The following MARK1 variants were observed in gnomAD, a reference collection of about 807,000 sequenced individuals.
The protein encoded by MARK1 is serine/threonine-protein kinase MARK1.
A neutral mutation model predicts 96.3 loss-of-function variants in MARK1; 40 were observed. The ratio of observed to expected loss-of-function variants is 0.42; its 90% confidence interval spans 0.32 to 0.54. The LOEUF (loss-of-function observed/expected upper bound fraction) is 0.54. MARK1 is among the 20% of genes least tolerant of loss of function. The pLI, the probability that MARK1 is intolerant of heterozygous loss-of-function variation, is 0.16. For synonymous variants in MARK1, 317 were observed against 341.2 expected (o/e 0.93, Z 0.78); for missense variants, 719 against 984.6 (o/e 0.73, Z 3.61).
chr1:220,532,500 A>G (rs1044371589), intron 1 of MARK1, among the ~76,000 whole-genome samples: 4 of 152,132 alleles, frequency 2.6e-5, no homozygotes, highest in Non-Finnish European at 5.9e-5. Flanking sequence ...TTCATTTATC[A>G]TCAAAATATA....
chr1:220,536,668 G>A (rs2102697792), intron 1 of MARK1, among the ~76,000 whole-genome samples: 1 of 151,942 alleles, frequency 6.6e-6, no homozygotes, highest in Middle Eastern at 3.4e-3. Context: ...CGATTCTCCT[G>A]CCTCAGCCTC....
At chr1:220,549,967 G>A (rs950788919) in intron 1 of MARK1, among the ~76,000 whole-genome samples, 1 of 152,232 alleles carries the variant, frequency 6.6e-6, no homozygotes, top group Non-Finnish European at 1.5e-5. Flanking sequence ...AAAGTTCACA[G>A]TTGTTGATCA....
intron 6 of MARK1, 147 bp downstream of exon 6, chr1:220,604,284 AAAAT>A (rs1182277130): frequency 6.3e-6 from 3 of 473,724 alleles, no homozygotes; most frequent in Admixed American, 3.9e-5. Context: ...AAACTCCTAA[AAAAT>A]AAACCTTTCT....
intron 1 of MARK1, among the ~76,000 whole-genome samples, chr1:220,543,686 A>G (rs1661295090): frequency 6.6e-6 from 1 of 152,168 alleles, no homozygotes; most frequent in Admixed American, 6.5e-5. Flanking sequence ...AGTGTTTGGC[A>G]TATTTTTTGG....
Position 220,566,920 on chromosome 1 carries a change from C to T in MARK1, c.52-12434C>T, listed in dbSNP as rs538556637. ...TAAGTAACTACTTAGAAACTAACTA[C>T]TTAATAGTCTTTTGTTTAAATATTT... On this transcript the variant is annotated intron_variant, in intron 1 of 17. Transcript: ENST00000366917. Among the ~76,000 whole-genome samples the T allele has an allele frequency of 2.0e-5, 3 of 152,170 alleles. No homozygotes were observed. The South Asian group carries it at 6.2e-4, about 32-fold the overall frequency.
chr1:220,548,874 GA>G (rs1661677544), intron 1 of MARK1, among the ~76,000 whole-genome samples: 1 of 152,204 alleles, frequency 6.6e-6, no homozygotes, highest in Non-Finnish European at 1.5e-5. Flanking sequence ...AGGAAGTTTG[GA>G]AAAGAATTTA....
chr1:220,577,465 AT>A, intron 1 of MARK1, among the ~76,000 whole-genome samples: 1 of 152,204 alleles, frequency 6.6e-6, no homozygotes. Context: ...ATAACTTTGT[AT>A]TTTACTCCTT....
chr1:220,662,312 G>A lies in MARK1; in HGVS notation c.*146G>A, dbSNP rs570260346. 3.0e-5 allele frequency: 18 copies of A among 608,352 alleles called. 1 individual carries two copies. The South Asian group carries it at 3.9e-4, about 13-fold the overall frequency. 37.7% of individuals were successfully genotyped at this position (608,352 alleles called of 1,614,324 possible). On this transcript the variant is annotated 3_prime_UTR_variant, in exon 18 of 18. Transcript: ENST00000366917. ...ATGCAATAAGGTTATACATAGTTAT[G>A]AACTGTAAAATTAAAGTCAGTATGA...
chr1:220,599,918 A>G, intron 5 of MARK1, 55 bp downstream of exon 5: 1 of 1,158,258 alleles, frequency 8.6e-7, no homozygotes, highest in Non-Finnish European at 1.3e-6. Flanking sequence ...AGAAATGTTA[A>G]CACCTAAGAG....
chr1:220,577,214 C>T (rs1663923192), intron 1 of MARK1, among the ~76,000 whole-genome samples: 1 of 151,960 alleles, frequency 6.6e-6, no homozygotes, highest in Non-Finnish European at 1.5e-5. Flanking sequence ...CTGCAGTGAG[C>T]AGTGATCGTG....
intron 14 of MARK1, among the ~76,000 whole-genome samples, chr1:220,651,706 C>T (rs1012874254): frequency 6.6e-6 from 1 of 151,976 alleles, no homozygotes; most frequent in Non-Finnish European, 1.5e-5. Flanking sequence ...TATCGTATAT[C>T]CACAAAAATA....
At chr1:220,636,610 A>C (rs1386072076) in intron 13 of MARK1, among the ~76,000 whole-genome samples, 1 of 152,166 alleles carries the variant, frequency 6.6e-6, no homozygotes, top group Non-Finnish European at 1.5e-5. Flanking sequence ...ATAACAAAAA[A>C]TAAAGAGGGA....
Position 220,618,170 on chromosome 1 carries a change from C to A in MARK1, c.553-140C>A. On this transcript the variant is annotated intron_variant, in intron 7 of 17. Coordinates refer to ENST00000366917, the MANE Select transcript of MARK1 (RefSeq NM_018650.5). The surrounding 1 kb of genome is among the most constrained non-coding windows in gnomAD (Gnocchi z 4.6). ...TCAGAACAGTTATGCATTGAAGTAC[C>A]ATACTGGGCTTCTAAATTTGATACT... 1 of 619,706 alleles carries A rather than the reference C, an allele frequency of 1.6e-6. No homozygotes were observed. Among genetic ancestry groups the A allele is most frequent in the South Asian group, 2.0e-5 (1 of 48,810 alleles). 38.4% of individuals were successfully genotyped at this position (619,706 alleles called of 1,614,324 possible). A position where few individuals can be genotyped will look rare whatever the true frequency, so the allele number is the denominator to read the frequency against.
intron 9 of MARK1, chr1:220,626,544 C>A: frequency 2.1e-6 from 1 of 486,166 alleles, no homozygotes; most frequent in South Asian, 1.6e-5. Context: ...CACATGCTGG[C>A]CTGTCGTGGT....
chr1:220,533,704 G>A (rs1001361423), intron 1 of MARK1, among the ~76,000 whole-genome samples: 7 of 152,076 alleles, frequency 4.6e-5, no homozygotes, highest in African/African-American at 1.7e-4. Context: ...CTGCTATTTG[G>A]TGTGTGATCC....
chr1:220,543,150 A>C (rs1215455044), intron 1 of MARK1, among the ~76,000 whole-genome samples: 2 of 152,234 alleles, frequency 1.3e-5, no homozygotes, highest in Admixed American at 6.5e-5. Context: ...TCGAACTATG[A>C]GCATCATAAT....
At chr1:220,626,142 TG>T in intron 9 of MARK1, 1 of 616,852 alleles carries the variant, frequency 1.6e-6, no homozygotes, top group Non-Finnish European at 3.1e-6. Context: ...TGAATTGGGC[TG>T]GGGGCCTGAA....
At chr1:220,564,676 A>G (rs2102788773) in intron 1 of MARK1, among the ~76,000 whole-genome samples, 1 of 152,262 alleles carries the variant, frequency 6.6e-6, no homozygotes, top group South Asian at 2.1e-4. Flanking sequence ...ATAAAGTACC[A>G]TATCATATGG....
chr1:220,639,370 AATT>A (rs1184132947), intron 13 of MARK1, among the ~76,000 whole-genome samples: 1 of 152,194 alleles, frequency 6.6e-6, no homozygotes, highest in African/African-American at 2.4e-5. Context: ...GTAACATTTT[AATT>A]TATTTCACTT....
Sources: gnomAD v4.1 joint callset for allele counts (sites outside exome capture counted in the v4.1 genomes callset) on GRCh38, gnomAD v4.1.1 for gene constraint, Gnocchi (gnomAD v3.1) non-coding constraint, MANE v1.5 for transcripts, NCBI Gene and HGNC (gene_info 2026-07-23, HGNC 2026-07-21) for gene names.